CRYBG2: variants seen among roughly 807,000 people sequenced by gnomAD.
CRYBG2 encodes the protein beta/gamma crystallin domain-containing protein 2.
A neutral mutation model predicts 153.4 loss-of-function variants in CRYBG2; 106 were observed. That is an observed-to-expected ratio of 0.69 (90% CI 0.59 to 0.81). CRYBG2 has a LOEUF of 0.81. Ranked by LOEUF, CRYBG2 falls within the 30% of genes least tolerant of loss-of-function variation. CRYBG2 has a pLI of 0.00. For synonymous variants in CRYBG2, 851 were observed against 877.8 expected, an observed-to-expected ratio of 0.97 and a Z score of 0.54; for missense variants, 1,996 against 2,112.0, an observed-to-expected ratio of 0.95 and a Z score of 1.08.
chr1:26,324,437 T>C (rs2073898738), intron 17 of CRYBG2, 127 bp from the exon 18 acceptor site: 2 of 1,038,398 alleles, frequency 1.9e-6, no homozygotes. Context: ...AAACCTTCCT[T>C]GACTCTATTT....
At position 26,339,394 on chromosome 1, in the gene CRYBG2, C is replaced by T; in HGVS notation, c.3240G>A (p.Glu1080=). Residue 1080 remains glutamate (E), a synonymous_variant, in exon 6 of 20, where the codon GAG becomes GAA. Transcript: ENST00000308182. ...YSTPEISLFS[E]EGLKGEQVKL... is the part of the protein sequence containing the mutation. ...TCACTTGCTCCCCCTTGAGGCCCTC[C>T]TCAGAGAAGAGGCTGATTTCCGGGG... 1 of 1,614,196 alleles carries T rather than the reference C, an allele frequency of 6.2e-7. No individual in the cohort carries two copies. The highest frequency in any genetic ancestry group is 2.2e-5 in the East Asian group (1 of 44,880).
intron 15 of CRYBG2, among the ~76,000 whole-genome samples, chr1:26,331,194 C>T (rs4659372): frequency 0.79 from 120,572 of 152,168 alleles, 48,450 homozygotes; most frequent in Middle Eastern, 0.84. Flanking sequence ...CCGCACCACT[C>T]CTGTATCTGG....
At chr1:26,337,408 G>A in intron 9 of CRYBG2, 29 bp from the exon 10 acceptor site, 2 of 1,610,624 alleles carry the variant, frequency 1.2e-6, no homozygotes, top group Non-Finnish European at 1.7e-6. Context: ...CAGACAGGCA[G>A]GTTCAGTCAT....
chr1:26,321,926 C>T lies in CRYBG2; in HGVS notation c.*42G>A. 1.4e-6 allele frequency: 2 copies of T among 1,461,506 alleles called. No individual in the cohort carries two copies. Among genetic ancestry groups the T allele is most frequent in the Non-Finnish European group, 1.8e-6 (2 of 1,093,532 alleles). 90.5% of individuals were successfully genotyped at this position (1,461,506 alleles called of 1,614,324 possible). A position where few individuals can be genotyped will look rare whatever the true frequency, so the allele number is the denominator to read the frequency against. Reference sequence around the variant, plus strand: ...ACAAAAACCCTATAAAAACATTCATCCCAGCAAAAGCCTCCAGGGCTGGAG... The same window carrying T: ...ACAAAAACCCTATAAAAACATTCATTCCAGCAAAAGCCTCCAGGGCTGGAG... On this transcript the variant is annotated 3_prime_UTR_variant, in exon 20 of 20. Coordinates refer to ENST00000308182, the MANE Select transcript of CRYBG2 (RefSeq NM_001039775.4).
chr1:26,322,472 T>G (rs896567912), intron 18 of CRYBG2, 149 bp from the exon 19 acceptor site: 1 of 899,838 alleles, frequency 1.1e-6, no homozygotes, highest in African/African-American at 1.7e-5. Flanking sequence ...TTCAGTTTCC[T>G]CTCGGGGATG....
chr1:26,336,105 G>GGTGAGACTGAGGTCTC lies in CRYBG2; in HGVS notation c.4173_4174insGAGACCTCAGTCTCAC (p.His1392GlufsTer14), dbSNP rs781078155. ...CCTCCACGTTCTCACCTGCCGCCGT[G>GGTGAGACTGAGGTCTC]GACCCGGCAGGACTGAGGTCGGAAG... On this transcript the variant is annotated frameshift_variant, in exon 14 of 20. Transcript: ENST00000308182. LOFTEE classifies it high-confidence loss of function. The surrounding 1 kb of genome is among the most constrained non-coding windows in gnomAD (Gnocchi z 4.9). 7.0e-4 allele frequency: 1,040 copies of GGTGAGACTGAGGTCTC among 1,478,210 alleles called. No individual in the cohort carries two copies. The highest frequency in any genetic ancestry group is 6.5e-4 in the Non-Finnish European group (721 of 1,106,852). The allele number at this position is 1,478,210 out of a possible 1,614,324, so 91.6% of individuals were successfully genotyped here.
chr1:26,330,290 C>T (rs974937831), intron 15 of CRYBG2, among the ~76,000 whole-genome samples: 1 of 152,018 alleles, frequency 6.6e-6, no homozygotes, highest in African/African-American at 2.4e-5. Context: ...GAGGGTAAAT[C>T]GCTTGCTCAG....
chr1:26,328,848 A>C lies in CRYBG2; in HGVS notation c.4340T>G (p.Leu1447Arg). 6.2e-7 allele frequency: 1 copy of C among 1,614,048 alleles called. No individual in the cohort carries two copies. The highest frequency in any genetic ancestry group is 8.5e-7 in the Non-Finnish European group (1 of 1,180,018). ...SLHFSEPSIF[L>R]YGLECFEGKE... Reference sequence around the variant, plus strand: ...CCCCTCGAAGCACTCGAGTCCATACAGGAAAATGGAAGGCTCTGAAAAGTG... The same window carrying C: ...CCCCTCGAAGCACTCGAGTCCATACCGGAAAATGGAAGGCTCTGAAAAGTG... Residue 1447 changes from leucine (L) to arginine (R), a missense_variant, in exon 16 of 20, where the codon CTG (leucine) becomes CGG (arginine). Coordinates refer to ENST00000308182, the MANE Select transcript of CRYBG2 (RefSeq NM_001039775.4).
chr1:26,331,806 C>A (rs977032234), intron 14 of CRYBG2, among the ~76,000 whole-genome samples, 188 bp from the exon 15 acceptor site: 2 of 152,212 alleles, frequency 1.3e-5, no homozygotes, highest in Non-Finnish European at 2.9e-5. Flanking sequence ...TGAAATCATA[C>A]TGCCCCTATG....
intron 5 of CRYBG2, among the ~76,000 whole-genome samples, chr1:26,341,327 C>A (rs538564693): frequency 2.0e-5 from 3 of 151,418 alleles, no homozygotes; most frequent in Admixed American, 6.6e-5. Flanking sequence ...GGCAACAGAG[C>A]GAGACTCTGT....
intron 5 of CRYBG2, among the ~76,000 whole-genome samples, chr1:26,340,780 T>C (rs2074118937): frequency 6.6e-6 from 1 of 151,738 alleles, no homozygotes; most frequent in Non-Finnish European, 1.5e-5. Flanking sequence ...GCCCGGCTAA[T>C]TTTTTGTATT....
Position 26,343,701 on chromosome 1 carries a change from G to T in CRYBG2, c.2913+44C>A. The T allele has an allele frequency of 6.9e-7, 1 of 1,439,314 alleles. No homozygotes were observed. Among genetic ancestry groups the T allele is most frequent in the Non-Finnish European group, 9.1e-7 (1 of 1,094,706 alleles). The allele number at this position is 1,439,314 out of a possible 1,614,324, so 89.2% of individuals were successfully genotyped here. On this transcript the variant is annotated intron_variant, in intron 2 of 19. Transcript: ENST00000308182. The surrounding 1 kb of genome is among the most constrained non-coding windows in gnomAD (Gnocchi z 4.1). ...TTCACACCACTCAAGCCTTGACCCA[G>T]GTGAGGCCAGGCACCTCCCTTGCCC...
At chr1:26,342,723 C>A (rs762425405) in intron 5 of CRYBG2, 31 bp downstream of exon 5, 24 of 1,605,938 alleles carry the variant, frequency 1.5e-5, no homozygotes, top group Non-Finnish European at 2.0e-5. Flanking sequence ...TCTAGGCACT[C>A]GAGGCCGTCT....
rs1208238280 is a variant in CRYBG2 at position 26,344,644 on chromosome 1, C to T, written c.2014G>A (p.Ala672Thr). ...TTATCCTGTTTGGGGAGTGAGGTGG[C>T]AGGAGCAATTGGGCCTTGAACAGTC... ...EETVQGPIAP[A>T]TSLPKQDKGV... The change falls in exon 2 of 20, where the codon GCC (alanine) becomes ACC (threonine). Residue 672 changes from alanine (A) to threonine (T), a missense_variant. Transcript: ENST00000308182. 4.6e-6 allele frequency: 7 copies of T among 1,535,392 alleles called. No homozygotes were observed. Among genetic ancestry groups the T allele is most frequent in the Non-Finnish European group, 6.1e-6 (7 of 1,146,580 alleles).
At chr1:26,350,766 G>A (rs1017204177) in intron 1 of CRYBG2, among the ~76,000 whole-genome samples, 1 of 151,934 alleles carries the variant, frequency 6.6e-6, no homozygotes, top group Admixed American at 6.6e-5. Context: ...TAGGCCCCAC[G>A]AACCCCAGAG....
chr1:26,339,490 G>C (rs945236841), intron 5 of CRYBG2, 61 bp from the exon 6 acceptor site: 1 of 1,589,296 alleles, frequency 6.3e-7, no homozygotes, highest in African/African-American at 1.3e-5. Context: ...GCTCACGCCT[G>C]TAATCCCAGC....
chr1:26,341,675 CAG>C (rs1217205836), intron 5 of CRYBG2, among the ~76,000 whole-genome samples: 4 of 152,028 alleles, frequency 2.6e-5, no homozygotes, highest in Non-Finnish European at 4.4e-5. Context: ...TTAGTAGAGA[CAG>C]GGTTTCACCA....
chr1:26,331,410 A>G, intron 15 of CRYBG2, 79 bp downstream of exon 15: 1 of 1,562,004 alleles, frequency 6.4e-7, no homozygotes, highest in Non-Finnish European at 8.7e-7. Flanking sequence ...CTGCACCAGC[A>G]CACAGGTTCT....
intron 14 of CRYBG2, among the ~76,000 whole-genome samples, chr1:26,335,119 CAAA>C (rs34582852): frequency 5.7e-4 from 83 of 146,848 alleles, no homozygotes; most frequent in Non-Finnish European, 6.6e-4. Flanking sequence ...AGATTTGGAG[CAAA>C]AAAAAAAAAA....
Sources: gnomAD v4.1 joint callset for allele counts (sites outside exome capture counted in the v4.1 genomes callset) on GRCh38, gnomAD v4.1.1 for gene constraint, Gnocchi (gnomAD v3.1) non-coding constraint, MANE v1.5 for transcripts, NCBI Gene and HGNC (gene_info 2026-07-23, HGNC 2026-07-21) for gene names.